The following WWOX variants were observed in gnomAD, a reference collection of about 807,000 sequenced individuals.
The protein encoded by WWOX is WW domain containing oxidoreductase, also known as WW domain-containing oxidoreductase.
In WWOX, 69 loss-of-function variants were observed where a neutral mutation model predicts 46.2. The ratio of observed to expected loss-of-function variants is 1.49; its 90% confidence interval spans 1.23 to 1.82. The LOEUF is 1.82. Among genes scored for constraint, WWOX ranks in the 40% most tolerant of loss-of-function variants. The pLI, the probability that WWOX is intolerant of heterozygous loss-of-function variation, is 0.00. For synonymous variants in WWOX, 359 were observed against 202.6 expected, an observed-to-expected ratio of 1.77 and a Z score of -6.56; for missense variants, 919 against 542.6, an observed-to-expected ratio of 1.69 and a Z score of -6.89.
intron 8 of WWOX, among the ~76,000 whole-genome samples, chr16:78,978,126 C>T (rs1352835204): frequency 6.6e-6 from 1 of 152,192 alleles, no homozygotes; most frequent in Non-Finnish European, 1.5e-5. Context: ...CATACAATAG[C>T]ATCATGTGTT....
chr16:79,093,220 G>T (rs1408362984), intron 8 of WWOX, among the ~76,000 whole-genome samples: 3 of 152,206 alleles, frequency 2.0e-5, no homozygotes, highest in African/African-American at 7.2e-5. Context: ...ATGTCACGGT[G>T]TGGTTGGGAG....
intron 8 of WWOX, among the ~76,000 whole-genome samples, chr16:78,917,030 T>C (rs1355698635): frequency 1.3e-5 from 2 of 152,150 alleles, no homozygotes; most frequent in Non-Finnish European, 2.9e-5. Context: ...ACTCCTTGGG[T>C]CTTATGACAA....
intron 1 of WWOX, chr16:78,100,251 T>A (rs1335992345): frequency 8.9e-7 from 1 of 1,117,380 alleles, no homozygotes; most frequent in South Asian, 2.3e-5. Flanking sequence ...GGAGTTTTGT[T>A]GTGTTTTGTT....
In WWOX at chr16:79,211,864, TG is replaced by T; in HGVS notation, c.*71del. ...TGTCCCCTCACGCAAGTGCCAGGGC[TG>T]GGCCCCTTCCAAATGTCCCTCCAAC... On this transcript the variant is annotated 3_prime_UTR_variant, in exon 9 of 9. Coordinates refer to ENST00000566780, the MANE Select transcript of WWOX (RefSeq NM_016373.4). 1 of 1,600,724 alleles carries T rather than the reference TG, an allele frequency of 6.2e-7. No homozygotes were observed.
At chr16:78,513,821 G>T (rs7195479) in intron 8 of WWOX, among the ~76,000 whole-genome samples, 3 of 151,726 alleles carry the variant, frequency 2.0e-5, no homozygotes, top group African/African-American at 7.3e-5. Context: ...TACTTTACAC[G>T]TCTTGGAATC....
intron 8 of WWOX, among the ~76,000 whole-genome samples, chr16:78,598,102 A>G (rs1212452761): frequency 6.6e-6 from 1 of 152,182 alleles, no homozygotes; most frequent in African/African-American, 2.4e-5. Flanking sequence ...ATGTGCTTTC[A>G]AAGACCAATG....
Position 78,182,055 on chromosome 16 carries a change from G to A in WWOX, c.516+17766G>A, listed in dbSNP as rs182544177. On this transcript the variant is annotated intron_variant, in intron 5 of 8. Transcript: ENST00000566780. ...ATTGAGCTGTAAAATGTGTTATGGG[G>A]GCCTAAGCAACGCATCTGGAATTTA... 6.6e-5 allele frequency among the ~76,000 whole-genome samples: 10 copies of A among 152,228 alleles called. No homozygotes were observed. In the East Asian group the frequency reaches 1.9e-3, roughly 29 times the overall value.
intron 8 of WWOX, among the ~76,000 whole-genome samples, chr16:78,649,624 C>G (rs902975484): frequency 3.3e-5 from 5 of 152,214 alleles, no homozygotes; most frequent in African/African-American, 7.2e-5. Context: ...TTTCCCACCT[C>G]TTAGGTTTTG....
Position 78,863,522 on chromosome 16 carries a change from C to G in WWOX, c.1057-348086C>G, listed in dbSNP as rs142489929. ...GGTCCCTGCTGATTTAGTGTCACAG[C>G]TCAAAACCATCAGTAGTCCTCGTGA... On this transcript the variant is annotated intron_variant, in intron 8 of 8. Coordinates refer to ENST00000566780, the MANE Select transcript of WWOX (RefSeq NM_016373.4). Among the ~76,000 whole-genome samples, 69 of 152,276 alleles carry G rather than the reference C, an allele frequency of 4.5e-4. No individual in the cohort carries two copies. In the East Asian group the frequency reaches 0.012, roughly 27 times the overall value.
intron 8 of WWOX, among the ~76,000 whole-genome samples, chr16:79,150,012 A>T (rs1382492360): frequency 6.6e-6 from 1 of 152,216 alleles, no homozygotes; most frequent in African/African-American, 2.4e-5. Context: ...TTTTATGGGA[A>T]CCTAAGAAGG....
At chr16:79,123,431 T>A (rs1010029908) in intron 8 of WWOX, among the ~76,000 whole-genome samples, 19 of 151,982 alleles carry the variant, frequency 1.3e-4, no homozygotes, top group Non-Finnish European at 2.4e-4. Context: ...AGCTGGGGAG[T>A]GAATCTGTCG....
chr16:79,001,035 G>T (rs1444400494), intron 8 of WWOX, among the ~76,000 whole-genome samples: 5 of 152,236 alleles, frequency 3.3e-5, no homozygotes, highest in Non-Finnish European at 5.9e-5. Flanking sequence ...GTGAGTGAAT[G>T]CAGGAAGGAG....
At chr16:78,419,307 A>G (rs1567561136) in intron 6 of WWOX, among the ~76,000 whole-genome samples, 1 of 152,284 alleles carries the variant, frequency 6.6e-6, no homozygotes, top group East Asian at 1.9e-4. Context: ...TTTGTATATG[A>G]ATGCAAAGGA....
At chr16:78,383,066 G>A (rs1211033496) in intron 5 of WWOX, among the ~76,000 whole-genome samples, 2 of 150,468 alleles carry the variant, frequency 1.3e-5, no homozygotes, top group African/African-American at 4.9e-5. Context: ...TAGGCATACT[G>A]GATCACGAGA....
intron 8 of WWOX, among the ~76,000 whole-genome samples, chr16:78,687,306 T>A (rs1330599793): frequency 2.6e-5 from 4 of 152,130 alleles, no homozygotes; most frequent in Non-Finnish European, 4.4e-5. Flanking sequence ...AAAATCAAAA[T>A]CTCATCAAAT....
At chr16:79,003,186 C>T (rs1446342159) in intron 8 of WWOX, among the ~76,000 whole-genome samples, 1 of 152,198 alleles carries the variant, frequency 6.6e-6, no homozygotes, top group African/African-American at 2.4e-5. Context: ...CCCAATAAAA[C>T]TAAGTGCTTA....
chr16:78,364,894 A>G (rs936285499), intron 5 of WWOX, among the ~76,000 whole-genome samples: 1 of 151,856 alleles, frequency 6.6e-6, no homozygotes, highest in Admixed American at 6.6e-5. Flanking sequence ...TCTTGTCTTT[A>G]TCCCATTCTG....
intron 8 of WWOX, among the ~76,000 whole-genome samples, chr16:78,922,908 A>G (rs1038536862): frequency 1.3e-5 from 2 of 151,900 alleles, no homozygotes; most frequent in African/African-American, 4.8e-5. Context: ...TTAAAACTAA[A>G]TTTTTATTTG....
At chr16:78,467,588 G>A (rs900442474) in intron 8 of WWOX, among the ~76,000 whole-genome samples, 4 of 152,060 alleles carry the variant, frequency 2.6e-5, no homozygotes, top group Admixed American at 2.0e-4. Context: ...TTGAAAACTC[G>A]GGGATAATGT....
Sources: gnomAD v4.1 joint callset for allele counts (sites outside exome capture counted in the v4.1 genomes callset) on GRCh38, gnomAD v4.1.1 for gene constraint, MANE v1.5 for transcripts, NCBI Gene and HGNC (gene_info 2026-07-23, HGNC 2026-07-21) for gene names.